Variants in SPARC observed in about 807,000 individuals in gnomAD.
SPARC encodes basement-membrane protein 40.
SPARC carries 23 observed loss-of-function variants against 37.7 expected under a neutral mutation model. That is an observed-to-expected ratio of 0.61 (90% CI 0.44 to 0.87). The LOEUF is 0.87. SPARC is among the 40% of genes least tolerant of loss of function. SPARC has a pLI of 0.00. For synonymous variants in SPARC, 155 were observed against 150.8 expected (o/e 1.03, Z -0.20); for missense variants, 312 against 389.0 (o/e 0.80, Z 1.66).
chr5:151,663,506 A>T lies in SPARC; in HGVS notation c.*65T>A. 6.7e-7 allele frequency: 1 copy of T among 1,482,532 alleles called. No individual in the cohort carries two copies. The highest frequency in any genetic ancestry group is 9.4e-7 in the Non-Finnish European group (1 of 1,061,792). The allele number at this position is 1,482,532 out of a possible 1,614,324, so 91.8% of individuals were successfully genotyped here. On this transcript the variant is annotated 3_prime_UTR_variant, in exon 10 of 10. Transcript: ENST00000231061. ...GAACAACAAACCATCCAAACATTTT[A>T]AACATTGGGGGAAACACGAAGGGGA...
chr5:151,682,569 G>C (rs1761020200), intron 1 of SPARC, among the ~76,000 whole-genome samples: 1 of 152,162 alleles, frequency 6.6e-6, no homozygotes, highest in African/African-American at 2.4e-5. Context: ...AGCTTAGAGA[G>C]TCATCAGAAT....
chr5:151,674,162 C>G (rs946482161), intron 3 of SPARC, among the ~76,000 whole-genome samples: 16 of 152,052 alleles, frequency 1.1e-4, no homozygotes, highest in African/African-American at 3.9e-4. Flanking sequence ...CAGGCACCCG[C>G]CACCACGCCC....
intron 1 of SPARC, among the ~76,000 whole-genome samples, chr5:151,684,619 A>C (rs1280216318): frequency 6.6e-6 from 1 of 151,932 alleles, no homozygotes; most frequent in African/African-American, 2.4e-5. Context: ...AAAAAAAAAA[A>C]AAAAGCTGAG....
chr5:151,680,574 A>C (rs1414690086), intron 1 of SPARC, among the ~76,000 whole-genome samples: 1 of 152,170 alleles, frequency 6.6e-6, no homozygotes, highest in African/African-American at 2.4e-5. Context: ...ACATGTGGCT[A>C]GTGGCTACCA....
Position 151,664,241 on chromosome 5 carries a change from G to T in SPARC, c.735-6C>A. 1 of 1,613,196 alleles carries T rather than the reference G, an allele frequency of 6.2e-7. No homozygotes were observed. The highest frequency in any genetic ancestry group is 1.3e-5 in the African/African-American group (1 of 75,052). On this transcript the variant is annotated splice_polypyrimidine_tract_variant and splice_region_variant and intron_variant, in intron 8 of 9. Transcript: ENST00000231061. The stretch of plus-strand genomic sequence containing the variant: ...GCTCGGTGTGGGAGAGGTACCTGCA[G>T]GGAAGGAGGCAGGGGAGGGCCTGAG...
intron 4 of SPARC, 178 bp downstream of exon 4, chr5:151,672,951 G>A (rs540910615): frequency 1.9e-4 from 114 of 611,102 alleles, no homozygotes; most frequent in African/African-American, 1.8e-3. Context: ...CCAGATCCCA[G>A]GGGACTGAGT....
chr5:151,664,081 A>G lies in SPARC; in HGVS notation c.883+6T>C. 6.2e-7 allele frequency: 1 copy of G among 1,613,972 alleles called. No individual in the cohort carries two copies. The highest frequency in any genetic ancestry group is 8.5e-7 in the Non-Finnish European group (1 of 1,180,006). The stretch of plus-strand genomic sequence containing the variant: ...ATGCCCCTTGCTTCTTTGTTCAGAC[A>G]CTCACTCTGCTTGATGCCGAAGCAG... On this transcript the variant is annotated splice_donor_region_variant and intron_variant, in intron 9 of 9. Coordinates refer to ENST00000231061, the MANE Select transcript of SPARC (RefSeq NM_003118.4).
At chr5:151,674,153 A>G (rs911573406) in intron 3 of SPARC, among the ~76,000 whole-genome samples, 16 of 152,156 alleles carry the variant, frequency 1.1e-4, no homozygotes, top group African/African-American at 3.9e-4. Flanking sequence ...CTGGGATTAC[A>G]GGCACCCGCC....
intron 8 of SPARC, 108 bp from the exon 9 acceptor site, chr5:151,664,343 T>C: frequency 9.5e-7 from 1 of 1,047,642 alleles, no homozygotes; most frequent in South Asian, 1.5e-5. Context: ...GGAAAGGATA[T>C]TTAAAGCAGG....
In SPARC at chr5:151,674,763, G is replaced by A. The variant is rs370320635; in HGVS notation, c.58-89C>T. 28 of 1,313,646 alleles carry A rather than the reference G, an allele frequency of 2.1e-5. No individual in the cohort carries two copies. In the African/African-American group the frequency reaches 3.1e-4, roughly 15 times the overall value. 81.4% of individuals were successfully genotyped at this position (1,313,646 alleles called of 1,614,324 possible). A position where few individuals can be genotyped will look rare whatever the true frequency, so the allele number is the denominator to read the frequency against. ...GCCTGTGGCCTCGGATACAGGCTAGGGGAGCTTGGAGAGCAGCTTACTGGA... is the reference window on the plus strand; with the variant it reads ...GCCTGTGGCCTCGGATACAGGCTAGAGGAGCTTGGAGAGCAGCTTACTGGA... On this transcript the variant is annotated intron_variant, in intron 2 of 9. Coordinates refer to ENST00000231061, the MANE Select transcript of SPARC (RefSeq NM_003118.4).
intron 4 of SPARC, 109 bp from the exon 5 acceptor site, chr5:151,671,803 C>G (rs529304638): frequency 1.3e-6 from 2 of 1,487,568 alleles, no homozygotes; most frequent in East Asian, 4.8e-5. Flanking sequence ...GGCCCCCACT[C>G]TGGGCTTTGG....
At chr5:151,676,571 A>G (rs1760863165) in intron 1 of SPARC, among the ~76,000 whole-genome samples, 1 of 152,198 alleles carries the variant, frequency 6.6e-6, no homozygotes, top group Admixed American at 6.5e-5. Flanking sequence ...AAAGGTACAC[A>G]GAGTTTTTTC....
intron 3 of SPARC, among the ~76,000 whole-genome samples, 153 bp from the exon 4 acceptor site, chr5:151,673,369 G>A (rs554902664): frequency 6.6e-6 from 1 of 152,206 alleles, no homozygotes; most frequent in Non-Finnish European, 1.5e-5. Context: ...AGTATGCCTG[G>A]GATTCTGTTG....
chr5:151,669,921 T>G, intron 5 of SPARC, 137 bp from the exon 6 acceptor site: 2 of 1,239,912 alleles, frequency 1.6e-6, no homozygotes, highest in Non-Finnish European at 2.3e-6. Flanking sequence ...TATAGTGAGT[T>G]AGTGATAGGG....
chr5:151,681,035 C>A (rs1408621908), intron 1 of SPARC, among the ~76,000 whole-genome samples: 1 of 152,160 alleles, frequency 6.6e-6, no homozygotes, highest in Non-Finnish European at 1.5e-5. Flanking sequence ...CCAGGGCTGG[C>A]CTCTTACTTG....
intron 1 of SPARC, among the ~76,000 whole-genome samples, chr5:151,682,621 T>A (rs187002004): frequency 6.6e-6 from 1 of 152,210 alleles, no homozygotes; most frequent in South Asian, 2.1e-4. Flanking sequence ...GATGAATTAG[T>A]GATGTTGTCA....
chr5:151,680,174 A>C lies in SPARC; in HGVS notation c.-13-3973T>G, dbSNP rs145879690. 3.1e-3 allele frequency among the ~76,000 whole-genome samples: 449 copies of C among 145,338 alleles called. 2 individuals carry two copies. The highest frequency in any genetic ancestry group is 0.011 in the African/African-American group (438 of 38,792). On this transcript the variant is annotated intron_variant, in intron 1 of 9. Transcript: ENST00000231061. ...CAATCCAAAATATCTTACTTAACCC[A>C]TACCTTGTTGAAATACTGCAATAGA...
rs1176890198 is a variant in SPARC at position 151,662,827 on chromosome 5, G to A, written c.*744C>T. On this transcript the variant is annotated 3_prime_UTR_variant, in exon 10 of 10. Transcript: ENST00000231061. ...CCCTGGTTCTCCAAAAGACAGAGGA[G>A]GAGAAGCCCTGCAGGATGCGCTGAC... 1 of 152,234 alleles carries A rather than the reference G, an allele frequency of 6.6e-6. No homozygotes were observed. The highest frequency in any genetic ancestry group is 1.9e-4 in the East Asian group (1 of 5,194). 9.4% of individuals were successfully genotyped at this position (152,234 alleles called of 1,614,324 possible).
chr5:151,662,659 T>C lies in SPARC; in HGVS notation c.*912A>G, dbSNP rs1043152504. 6.6e-6 allele frequency: 1 copy of C among 152,596 alleles called. No individual in the cohort carries two copies. Among genetic ancestry groups the C allele is most frequent in the Non-Finnish European group, 1.5e-5 (1 of 68,042 alleles). 9.5% of individuals were successfully genotyped at this position (152,596 alleles called of 1,614,324 possible). ...GAAAAGGAGGAACATGCTAAAAACC[T>C]TATGACAATCATCCAAATGTGAGGA... On this transcript the variant is annotated 3_prime_UTR_variant, in exon 10 of 10. Coordinates refer to ENST00000231061, the MANE Select transcript of SPARC (RefSeq NM_003118.4).
Sources: gnomAD v4.1 joint callset for allele counts (sites outside exome capture counted in the v4.1 genomes callset) on GRCh38, gnomAD v4.1.1 for gene constraint, MANE v1.5 for transcripts, NCBI Gene and HGNC (gene_info 2026-07-23, HGNC 2026-07-21) for gene names.